Variants in TMC1 observed in about 807,000 individuals in gnomAD.
TMC1 encodes transmembrane channel like 1.
A neutral mutation model predicts 105.8 loss-of-function variants in TMC1; 84 were observed. The ratio of observed to expected loss-of-function variants is 0.79; its 90% CI spans 0.67 to 0.95. TMC1 has a LOEUF of 0.95. Ranked by LOEUF, TMC1 falls within the 40% of genes least tolerant of loss-of-function variation. The pLI, the probability that TMC1 is intolerant of heterozygous loss-of-function variation, is 0.00. For synonymous variants in TMC1, 315 were observed against 311.5 expected, an observed-to-expected ratio of 1.01 and a Z score of -0.12; for missense variants, 817 against 914.1, an observed-to-expected ratio of 0.89 and a Z score of 1.37.
At chr9:72,599,562 A>T (rs540253297) in intron 2 of TMC1, among the ~76,000 whole-genome samples, 1 of 152,136 alleles carries the variant, frequency 6.6e-6, no homozygotes, top group Non-Finnish European at 1.5e-5. Context: ...ACAGATTTTC[A>T]TATCTCTCTA....
intron 7 of TMC1, among the ~76,000 whole-genome samples, chr9:72,697,134 T>G (rs1170907162): frequency 4.6e-5 from 7 of 152,148 alleles, no homozygotes; most frequent in Non-Finnish European, 8.8e-5. Context: ...TAAACGTCTT[T>G]CCATACCATA....
chr9:72,748,004 C>A (rs1827520492), intron 10 of TMC1, among the ~76,000 whole-genome samples: 1 of 152,186 alleles, frequency 6.6e-6, no homozygotes, highest in South Asian at 2.1e-4. Context: ...ATCTGACTGG[C>A]TTTAGCTGAT....
chr9:72,656,071 C>T (rs762514032), intron 5 of TMC1: 5 of 704,710 alleles, frequency 7.1e-6, no homozygotes, highest in Admixed American at 5.3e-5. Context: ...CTTTGCTCCT[C>T]TGATCAAGTC....
intron 4 of TMC1, among the ~76,000 whole-genome samples, chr9:72,641,284 G>T (rs1259007663): frequency 6.6e-6 from 1 of 151,998 alleles, no homozygotes; most frequent in African/African-American, 2.4e-5. Flanking sequence ...AGTAGAGATG[G>T]TGCTTTACCA....
intron 1 of TMC1, among the ~76,000 whole-genome samples, chr9:72,546,039 T>G (rs1459064546): frequency 6.6e-6 from 1 of 151,604 alleles, no homozygotes; most frequent in African/African-American, 2.4e-5. Flanking sequence ...TCCCACCACT[T>G]TGGGAGGCCG....
chr9:72,634,334 A>G lies in TMC1; in HGVS notation c.-53+6271A>G, dbSNP rs183035888. ...ATCTATAGGAGCAAGAGGGGAAGTT[A>G]AAAATCTTGTGACCTCTGGCTACAT... On this transcript the variant is annotated intron_variant, in intron 4 of 23. Coordinates refer to ENST00000297784, the MANE Select transcript of TMC1 (RefSeq NM_138691.3). Among the ~76,000 whole-genome samples, 446 of 152,340 alleles carry G rather than the reference A, an allele frequency of 2.9e-3. 6 individuals carry two copies. Among genetic ancestry groups the G allele is most frequent in the Admixed American group, 0.016 (240 of 15,306 alleles).
At chr9:72,788,927 T>C (rs1319093254) in intron 14 of TMC1, among the ~76,000 whole-genome samples, 196 bp from the exon 15 acceptor site, 1 of 152,150 alleles carries the variant, frequency 6.6e-6, no homozygotes, top group Non-Finnish European at 1.5e-5. Context: ...TTTGCAAGAA[T>C]TCTTCCTTCT....
intron 20 of TMC1, among the ~76,000 whole-genome samples, chr9:72,826,544 C>T (rs1408713178): frequency 6.6e-6 from 1 of 152,190 alleles, no homozygotes; most frequent in Non-Finnish European, 1.5e-5. Context: ...GAGCAGCTGA[C>T]TGAGAGGCAG....
In TMC1 at chr9:72,668,184, T is replaced by C. The variant is rs1241168055; in HGVS notation, c.16+19520T>C. On this transcript the variant is annotated intron_variant, in intron 5 of 23. Coordinates refer to ENST00000297784, the MANE Select transcript of TMC1 (RefSeq NM_138691.3). Reference sequence around the variant, plus strand: ...GCCTAGTGTATAATATTTTTACTTATGGGTTTTAGCATTTAACTTATTTAA... The same window carrying C: ...GCCTAGTGTATAATATTTTTACTTACGGGTTTTAGCATTTAACTTATTTAA... Among the ~76,000 whole-genome samples the C allele has an allele frequency of 2.6e-5, 4 of 152,250 alleles. No individual in the cohort carries two copies. In the East Asian group the frequency reaches 5.8e-4, roughly 22 times the overall value.
At chr9:72,591,234 G>C (rs1011925174) in intron 2 of TMC1, among the ~76,000 whole-genome samples, 2 of 152,156 alleles carry the variant, frequency 1.3e-5, no homozygotes, top group African/African-American at 2.4e-5. Context: ...GACCAGACTT[G>C]CAGCTTTAAA....
intron 8 of TMC1, among the ~76,000 whole-genome samples, chr9:72,728,832 T>C (rs1414899675): frequency 1.3e-5 from 2 of 152,008 alleles, no homozygotes; most frequent in African/African-American, 4.8e-5. Context: ...AAATCAGAGT[T>C]AGGAAAAGTT....
At position 72,655,740 on chromosome 9, in the gene TMC1, TC is replaced by T. The variant is rs1314098661; in HGVS notation, c.16+7077del. The T allele has an allele frequency of 2.3e-5, 10 of 439,326 alleles. 1 individual carries two copies. Among genetic ancestry groups the T allele is most frequent in the Admixed American group, 1.1e-4 (3 of 27,302 alleles). The allele number at this position is 439,326 out of a possible 1,614,324, so 27.2% of individuals were successfully genotyped here. On this transcript the variant is annotated intron_variant, in intron 5 of 23. Transcript: ENST00000297784. ...CCGGGCGACAGACCGAGAATCCGTATCAAAAAAAAAAAATCATTCAAAAGAT... is the reference window on the plus strand; with the variant it reads ...CCGGGCGACAGACCGAGAATCCGTATAAAAAAAAAAAATCATTCAAAAGAT...
intron 8 of TMC1, among the ~76,000 whole-genome samples, chr9:72,714,211 G>C (rs2793158): frequency 1.3e-5 from 2 of 152,020 alleles, no homozygotes; most frequent in East Asian, 3.9e-4. Flanking sequence ...GAATAAGTGC[G>C]ATGTGGTGCT....
chr9:72,661,236 C>T (rs1251478919), intron 5 of TMC1, among the ~76,000 whole-genome samples: 1 of 152,186 alleles, frequency 6.6e-6, no homozygotes, highest in Non-Finnish European at 1.5e-5. Context: ...GTTTTCTTGC[C>T]TTGCCTGATT....
Position 72,837,721 on chromosome 9 carries a change from G to A in TMC1, c.*1748G>A, listed in dbSNP as rs1829147936. The A allele has an allele frequency of 6.6e-6, 1 of 152,118 alleles. No homozygotes were observed. Among genetic ancestry groups the A allele is most frequent in the African/African-American group, 2.4e-5 (1 of 41,428 alleles). The allele number at this position is 152,118 out of a possible 1,614,324, so 9.4% of individuals were successfully genotyped here. On this transcript the variant is annotated 3_prime_UTR_variant, in exon 24 of 24. Coordinates refer to ENST00000297784, the MANE Select transcript of TMC1 (RefSeq NM_138691.3). ...TGCCTTTCCAAAACTAAGCCAATTTGCTTGCCATTCCCTGCAGTTGACTTA... is the reference window on the plus strand; with the variant it reads ...TGCCTTTCCAAAACTAAGCCAATTTACTTGCCATTCCCTGCAGTTGACTTA...
chr9:72,741,462 T>C (rs1827388847), intron 9 of TMC1: 2 of 309,710 alleles, frequency 6.5e-6, no homozygotes, highest in Non-Finnish European at 1.2e-5. Flanking sequence ...AGCACATCCA[T>C]CTTCCAGTTT....
intron 1 of TMC1, among the ~76,000 whole-genome samples, chr9:72,537,092 C>T (rs1411195650): frequency 6.6e-6 from 1 of 152,186 alleles, no homozygotes; most frequent in South Asian, 2.1e-4. Flanking sequence ...GTGGCTCAAA[C>T]AGTACCTGGG....
At chr9:72,797,503 A>C (rs1828391721) in intron 17 of TMC1, among the ~76,000 whole-genome samples, 1 of 152,226 alleles carries the variant, frequency 6.6e-6, no homozygotes, top group East Asian at 1.9e-4. Context: ...ACAGCATGGT[A>C]CTGGTGCAAG....
At chr9:72,748,784 C>G (rs1827533144) in intron 10 of TMC1, among the ~76,000 whole-genome samples, 1 of 152,122 alleles carries the variant, frequency 6.6e-6, no homozygotes, top group African/African-American at 2.4e-5. Flanking sequence ...TTCATTTTCT[C>G]TACTTTAAGA....
Sources: allele counts gnomAD v4.1 joint callset (sites outside exome capture counted in the v4.1 genomes callset), GRCh38; gene constraint gnomAD v4.1.1; transcripts MANE v1.5; gene names NCBI Gene and HGNC (gene_info 2026-07-23, HGNC 2026-07-21).